Variants in FAM53A observed in about 807,000 individuals in gnomAD.
FAM53A encodes the protein protein FAM53A.
Under a neutral mutation model 26.6 loss-of-function variants are expected in FAM53A, and 28 were observed. That is an observed-to-expected ratio of 1.05 (90% CI 0.78 to 1.45). The LOEUF is 1.45. Ranked by LOEUF, FAM53A falls within the 40% of genes most tolerant of loss-of-function variation. FAM53A has a pLI of 0.00. For synonymous variants in FAM53A, 290 were observed against 253.1 expected, an observed-to-expected ratio of 1.15 and a Z score of -1.38; for missense variants, 650 against 575.8, an observed-to-expected ratio of 1.13 and a Z score of -1.32.
At chr4:1,668,130 A>G (rs1177604833) in intron 2 of FAM53A, among the ~76,000 whole-genome samples, 1 of 135,560 alleles carries the variant, frequency 7.4e-6, no homozygotes, top group Admixed American at 8.4e-5. Context: ...CTATTTTTTT[A>G]AATAGCAAGT....
downstream of FAM53A, among the ~76,000 whole-genome samples, chr4:1,617,387 T>C (rs1414068487): frequency 2.0e-5 from 3 of 152,200 alleles, no homozygotes; most frequent in East Asian, 5.8e-4. Flanking sequence ...CATGACAGTT[T>C]GCCGGTGTTG....
Position 1,641,195 on chromosome 4 carries a change from G to A in FAM53A, c.*98C>T. On this transcript the variant is annotated 3_prime_UTR_variant, in exon 5 of 5. Transcript: ENST00000308132. Reference sequence around the variant, plus strand: ...AAACCTACTCTGTGCCCCAGGGCAGGTGCCGGGCCGTGGCCCCGACCAGCT... The same window carrying A: ...AAACCTACTCTGTGCCCCAGGGCAGATGCCGGGCCGTGGCCCCGACCAGCT... 1 of 1,028,196 alleles carries A rather than the reference G, an allele frequency of 9.7e-7. No homozygotes were observed. Among genetic ancestry groups the A allele is most frequent in the East Asian group, 2.6e-5 (1 of 37,756 alleles). The allele number at this position is 1,028,196 out of a possible 1,614,324, so 63.7% of individuals were successfully genotyped here. A position where few individuals can be genotyped will look rare whatever the true frequency, so the allele number is the denominator to read the frequency against.
At chr4:1,578,286 C>T in the FAM53A span, among the ~76,000 whole-genome samples, 1 of 152,202 alleles carries the variant, frequency 6.6e-6, no homozygotes. Flanking sequence ...CTAGATTAAC[C>T]AATAATTAAG....
downstream of FAM53A, among the ~76,000 whole-genome samples, chr4:1,615,290 G>A (rs4865442): frequency 0.29 from 32,133 of 110,270 alleles, 4,205 homozygotes; most frequent in Admixed American, 0.42. Context: ...GGGCCCACAC[G>A]GAAGACAGGA....
chr4:1,639,076 T>C (rs1357044756), downstream of FAM53A, among the ~76,000 whole-genome samples: 1 of 152,154 alleles, frequency 6.6e-6, no homozygotes, highest in African/African-American at 2.4e-5. Flanking sequence ...CTCCCCGACC[T>C]GCAGCAGAGG....
the FAM53A span, among the ~76,000 whole-genome samples, chr4:1,610,226 A>C: frequency 1.4e-5 from 2 of 140,780 alleles, no homozygotes; most frequent in Non-Finnish European, 1.6e-5. Flanking sequence ...CCCTCCCTAC[A>C]CCCCACTCAA....
At chr4:1,586,445 C>A in the FAM53A span, among the ~76,000 whole-genome samples, 2 of 152,030 alleles carry the variant, frequency 1.3e-5, no homozygotes, top group South Asian at 2.1e-4. Flanking sequence ...TCCACCCCCC[C>A]AGCCATGAAG....
chr4:1,597,175 C>T, the FAM53A span, among the ~76,000 whole-genome samples: 178 of 152,230 alleles, frequency 1.2e-3, 1 homozygote, highest in African/African-American at 3.4e-3. Flanking sequence ...ACACAGACAC[C>T]GGGCACCCCT....
chr4:1,684,572 C>G (rs566724130), upstream of FAM53A, among the ~76,000 whole-genome samples: 460 of 151,810 alleles, frequency 3.0e-3, 5 homozygotes, highest in African/African-American at 0.01. Flanking sequence ...GTGCCTGGCA[C>G]TCGGCGGCGT....
At chr4:1,577,738 C>G in the FAM53A span, among the ~76,000 whole-genome samples, 1 of 152,128 alleles carries the variant, frequency 6.6e-6, no homozygotes, top group Admixed American at 6.5e-5. Context: ...CTATCTGACT[C>G]TGTACTTTTT....
chr4:1,589,485 T>C, the FAM53A span, among the ~76,000 whole-genome samples: 3 of 152,192 alleles, frequency 2.0e-5, no homozygotes, highest in East Asian at 5.8e-4. Flanking sequence ...ATTTCTTTTT[T>C]TTCTGTTCTC....
intron 2 of FAM53A, among the ~76,000 whole-genome samples, chr4:1,668,027 CG>C (rs1405020536): frequency 6.6e-6 from 1 of 152,164 alleles, no homozygotes; most frequent in African/African-American, 2.4e-5. Flanking sequence ...GGGAGCCTGG[CG>C]GGGTGCAGTC....
the FAM53A span, among the ~76,000 whole-genome samples, chr4:1,575,671 G>A: frequency 3.9e-5 from 6 of 152,084 alleles, no homozygotes; most frequent in Non-Finnish European, 7.4e-5. Context: ...GGAAGGTGCT[G>A]GACACTGCCC....
At chr4:1,667,988 T>C (rs528253670) in intron 2 of FAM53A, among the ~76,000 whole-genome samples, 2 of 152,212 alleles carry the variant, frequency 1.3e-5, no homozygotes, top group East Asian at 3.9e-4. Context: ...GAGGCTCCCT[T>C]GGGAGGCGCG....
chr4:1,590,991 T>TATATATACACACAC, the FAM53A span, among the ~76,000 whole-genome samples: 9 of 127,872 alleles, frequency 7.0e-5, 1 homozygote, highest in African/African-American at 3.0e-4. Flanking sequence ...TATATATATA[T>TATATATACACACAC]ATATATATAT....
the FAM53A span, among the ~76,000 whole-genome samples, chr4:1,597,094 C>T: frequency 6.6e-6 from 1 of 152,180 alleles, no homozygotes; most frequent in African/African-American, 2.4e-5. Flanking sequence ...GCAGGGCCTT[C>T]TTTTCCCTCA....
intron 1 of FAM53A, among the ~76,000 whole-genome samples, chr4:1,619,942 G>A (rs1248553141): frequency 1.3e-5 from 2 of 152,194 alleles, no homozygotes; most frequent in Non-Finnish European, 2.9e-5. Context: ...GGGCGTGGTG[G>A]CTCACGCCTG....
At chr4:1,644,334 G>A (rs1712041352) in intron 4 of FAM53A, 1 of 1,535,918 alleles carries the variant, frequency 6.5e-7, no homozygotes, top group Non-Finnish European at 8.7e-7. Flanking sequence ...CGCGGGCACA[G>A]CTGTGCGGCT....
chr4:1,625,940 G>A (rs1464251972), intron 1 of FAM53A, among the ~76,000 whole-genome samples: 1 of 152,212 alleles, frequency 6.6e-6, no homozygotes, highest in African/African-American at 2.4e-5. Context: ...GTGGGATCTG[G>A]GCTTCCAACC....
Sources: gnomAD v4.1 joint callset for allele counts (sites outside exome capture counted in the v4.1 genomes callset) on GRCh38, gnomAD v4.1.1 for gene constraint, MANE v1.5 for transcripts, NCBI Gene and HGNC (gene_info 2026-07-23, HGNC 2026-07-21) for gene names.